The following CFAP20DC variants were observed in gnomAD, a reference collection of about 807,000 sequenced individuals.
The protein encoded by CFAP20DC is protein CFAP20DC.
Under a neutral mutation model 101.7 loss-of-function variants are expected in CFAP20DC, and 84 were observed. The ratio of observed to expected loss-of-function variants is 0.83; its 90% CI spans 0.69 to 0.99. The LOEUF is 0.99. Among genes scored for constraint, CFAP20DC ranks in the 50% least tolerant of loss-of-function variants. The pLI is 0.00. For missense variants in CFAP20DC, 1,007 were observed against 970.3 expected (o/e 1.04, Z -0.50); for synonymous variants, 359 against 351.2 (o/e 1.02, Z -0.25).
Position 58,771,382 on chromosome 3 carries a change from C to T in CFAP20DC, c.2238-17519G>A, listed in dbSNP as rs918763454. On this transcript the variant is annotated intron_variant, in intron 15 of 16. Coordinates refer to ENST00000482387, the MANE Select transcript of CFAP20DC (RefSeq NM_001394063.1). ...ACCTGCATATTCTGCACATGTAACC[C>T]AGAACTTAAAGTATAATAAAAAACA... Among the ~76,000 whole-genome samples the T allele has an allele frequency of 2.6e-5, 4 of 151,228 alleles. No individual in the cohort carries two copies. The East Asian group carries it at 7.8e-4, about 29-fold the overall frequency.
At chr3:58,923,272 G>A (rs1351808481) in intron 5 of CFAP20DC, among the ~76,000 whole-genome samples, 2 of 152,022 alleles carry the variant, frequency 1.3e-5, no homozygotes, top group African/African-American at 4.8e-5. Flanking sequence ...AATAATGAAT[G>A]ATTTCTTTTT....
At chr3:58,852,227 C>T (rs1443094218) in intron 12 of CFAP20DC, among the ~76,000 whole-genome samples, 1 of 152,096 alleles carries the variant, frequency 6.6e-6, no homozygotes, top group Non-Finnish European at 1.5e-5. Flanking sequence ...CTTGATCCCA[C>T]TTGTTTAAAA....
chr3:58,921,645 C>T (rs1447833107), intron 5 of CFAP20DC, among the ~76,000 whole-genome samples: 1 of 152,148 alleles, frequency 6.6e-6, no homozygotes, highest in African/African-American at 2.4e-5. Flanking sequence ...TATGGCCTAA[C>T]ATATCATATA....
chr3:58,787,130 A>G (rs1313523642), intron 15 of CFAP20DC, among the ~76,000 whole-genome samples: 2 of 152,042 alleles, frequency 1.3e-5, no homozygotes, highest in Non-Finnish European at 2.9e-5. Context: ...AATTTTAAAA[A>G]TAAAAAGATT....
In CFAP20DC at chr3:58,764,246, T is replaced by C. The variant is rs560552927; in HGVS notation, c.2238-10383A>G. ...TAGCCTCAGCAATGGAGGGCGCCCC[T>C]CCTCCAGCCTTGCTGCCACCTTGTA... On this transcript the variant is annotated intron_variant, in intron 15 of 16. Coordinates refer to ENST00000482387, the MANE Select transcript of CFAP20DC (RefSeq NM_001394063.1). Among the ~76,000 whole-genome samples, 5 of 152,284 alleles carry C rather than the reference T, an allele frequency of 3.3e-5. No individual in the cohort carries two copies. The South Asian group carries it at 1.0e-3, about 32-fold the overall frequency.
chr3:58,915,669 G>C (rs958218114), intron 5 of CFAP20DC, among the ~76,000 whole-genome samples: 1 of 152,054 alleles, frequency 6.6e-6, no homozygotes, highest in African/African-American at 2.4e-5. Flanking sequence ...CTCATGGTGG[G>C]TATGTGGGGA....
intron 3 of CFAP20DC, among the ~76,000 whole-genome samples, chr3:59,045,310 T>C (rs188983831): frequency 1.1e-4 from 17 of 152,170 alleles, no homozygotes; most frequent in Middle Eastern, 3.4e-3. Context: ...CAGGTCTTTT[T>C]ATAGAGCTTC....
At chr3:58,998,769 T>G (rs2093217768) in intron 4 of CFAP20DC, among the ~76,000 whole-genome samples, 1 of 152,156 alleles carries the variant, frequency 6.6e-6, no homozygotes, top group South Asian at 2.1e-4. Flanking sequence ...TACTCTTCAC[T>G]CTGCACCGTA....
chr3:58,950,026 C>T (rs553347613), intron 4 of CFAP20DC, among the ~76,000 whole-genome samples: 23 of 152,248 alleles, frequency 1.5e-4, no homozygotes, highest in South Asian at 4.1e-4. Flanking sequence ...AAAACCCCAT[C>T]GTCTCAGCCC....
At chr3:58,960,444 A>T (rs558254091) in intron 4 of CFAP20DC, among the ~76,000 whole-genome samples, 11 of 151,154 alleles carry the variant, frequency 7.3e-5, no homozygotes, top group Admixed American at 2.6e-4. Context: ...GTGAGCCGAG[A>T]TCACACCACT....
chr3:58,949,458 C>T (rs373742778), intron 4 of CFAP20DC, among the ~76,000 whole-genome samples: 16 of 152,084 alleles, frequency 1.1e-4, no homozygotes, highest in East Asian at 5.8e-4. Context: ...GCTTTGAATG[C>T]GTCCCAGAGA....
At chr3:58,961,987 AT>A (rs1427195736) in intron 4 of CFAP20DC, among the ~76,000 whole-genome samples, 1 of 152,020 alleles carries the variant, frequency 6.6e-6, no homozygotes, top group African/African-American at 2.4e-5. Flanking sequence ...GGTTTCATTG[AT>A]TTACTGTTCT....
chr3:58,930,739 T>C (rs924947684), intron 5 of CFAP20DC, among the ~76,000 whole-genome samples: 4 of 152,228 alleles, frequency 2.6e-5, no homozygotes, highest in Non-Finnish European at 2.9e-5. Flanking sequence ...TTTCCACTTA[T>C]AAAAGTGGTA....
rs187242222 is a variant in CFAP20DC at position 58,807,726 on chromosome 3, C to T, written c.2176-1270G>A. 4.1e-4 allele frequency among the ~76,000 whole-genome samples: 63 copies of T among 152,294 alleles called. No individual in the cohort carries two copies. The East Asian group carries it at 5.0e-3, about 12-fold the overall frequency. On this transcript the variant is annotated intron_variant, in intron 14 of 16. Transcript: ENST00000482387. ...AAAGCTGGATGGAGAATGACTTTGA[C>T]GAGTTGCGAGAAGAAGGCTTCAGAT...
chr3:58,763,013 G>A (rs2069813092), intron 15 of CFAP20DC, among the ~76,000 whole-genome samples: 1 of 152,100 alleles, frequency 6.6e-6, no homozygotes, highest in Non-Finnish European at 1.5e-5. Context: ...ACAATGATGT[G>A]TCTTGGAGTT....
At chr3:58,837,627 G>A (rs2076827909) in intron 13 of CFAP20DC, among the ~76,000 whole-genome samples, 1 of 152,164 alleles carries the variant, frequency 6.6e-6, no homozygotes, top group Non-Finnish European at 1.5e-5. Context: ...AGGCTCACTT[G>A]TGAATCACTG....
chr3:58,815,660 A>C (rs1367952746), intron 14 of CFAP20DC, among the ~76,000 whole-genome samples: 1 of 151,548 alleles, frequency 6.6e-6, no homozygotes, highest in Non-Finnish European at 1.5e-5. Flanking sequence ...ACAAATTTAC[A>C]AGAAAAAAAA....
At chr3:58,928,725 T>G (rs1330136052) in intron 5 of CFAP20DC, among the ~76,000 whole-genome samples, 1 of 152,208 alleles carries the variant, frequency 6.6e-6, no homozygotes, top group Non-Finnish European at 1.5e-5. Flanking sequence ...TATCTGTTTC[T>G]TATTGTTTAG....
chr3:58,914,737 G>A lies in CFAP20DC; in HGVS notation c.394-873C>T, dbSNP rs958488268. The A allele has an allele frequency of 6.6e-6, 1 of 150,434 alleles. No homozygotes were observed. The highest frequency in any genetic ancestry group is 1.5e-5 in the Non-Finnish European group (1 of 67,756). 9.3% of individuals were successfully genotyped at this position (150,434 alleles called of 1,614,324 possible). ...AGACAAATCTTATATATCTAGGAAT[G>A]CTGATTTTAATATGGAGGTGAACCT... is the stretch of plus-strand genomic sequence containing the variant. On this transcript the variant is annotated intron_variant, in intron 5 of 16. Transcript: ENST00000482387. The surrounding 1 kb of genome is among the most constrained non-coding windows in gnomAD (Gnocchi z 4.9).
Sources: gnomAD v4.1 joint callset for allele counts (sites outside exome capture counted in the v4.1 genomes callset) on GRCh38, gnomAD v4.1.1 for gene constraint, Gnocchi (gnomAD v3.1) non-coding constraint, MANE v1.5 for transcripts, NCBI Gene and HGNC (gene_info 2026-07-23, HGNC 2026-07-21) for gene names.